Variants in COL23A1 observed in about 807,000 individuals in gnomAD.
COL23A1 encodes the protein collagen type XXIII alpha 1 chain, also known as collagen alpha-1(XXIII) chain.
Under a neutral mutation model 99.3 loss-of-function variants are expected in COL23A1, and 97 were observed. That is an observed-to-expected ratio of 0.98 (90% CI 0.83 to 1.16). The LOEUF is 1.16. Among genes scored for constraint, COL23A1 ranks in the 50% most tolerant of loss-of-function variants. The pLI, the probability that COL23A1 is intolerant of heterozygous loss-of-function variation, is 0.00. For missense variants in COL23A1, 762 were observed against 757.4 expected (o/e 1.01, Z -0.07); for synonymous variants, 320 against 308.2 (o/e 1.04, Z -0.40).
intron 8 of COL23A1, 104 bp downstream of exon 8, chr5:178,267,203 G>A (rs1755950029): frequency 7.8e-7 from 1 of 1,285,392 alleles, no homozygotes; most frequent in Admixed American, 1.8e-5. Context: ...CTCTTTCTGT[G>A]ATGAGCTGCG....
At chr5:178,456,386 TGA>T (rs1767795109) in intron 2 of COL23A1, among the ~76,000 whole-genome samples, 1 of 152,004 alleles carries the variant, frequency 6.6e-6, no homozygotes, top group Non-Finnish European at 1.5e-5. Context: ...GACTGGACAA[TGA>T]GAGAAACAGT....
At chr5:178,495,803 T>C (rs1261674902) in intron 2 of COL23A1, among the ~76,000 whole-genome samples, 1 of 152,056 alleles carries the variant, frequency 6.6e-6, no homozygotes, top group Non-Finnish European at 1.5e-5. Flanking sequence ...GCATTGACAA[T>C]GGTTAACATC....
intron 2 of COL23A1, among the ~76,000 whole-genome samples, chr5:178,486,887 G>A (rs978915142): frequency 6.6e-6 from 1 of 152,192 alleles, no homozygotes; most frequent in African/African-American, 2.4e-5. Flanking sequence ...GTGGGGAAAC[G>A]AAGGAAACTG....
At chr5:178,440,432 C>T (rs1406872020) in intron 2 of COL23A1, among the ~76,000 whole-genome samples, 1 of 152,158 alleles carries the variant, frequency 6.6e-6, no homozygotes, top group African/African-American at 2.4e-5. Flanking sequence ...TCTGCACCAC[C>T]GCTAGGATAA....
rs891709481 is a variant in COL23A1 at position 178,308,118 on chromosome 5, T to C, written c.362-1199A>G. On this transcript the variant is annotated intron_variant, in intron 2 of 28. Transcript: ENST00000390654. This position sits in a 1 kb window ranked among gnomAD's most constrained non-coding sequence, Gnocchi z 5.1. ...GTGTTTCTGTGTGTGTGTCTGTGTATGTATGTTTGTGTCTGTGTGTCCTGT... is the reference window on the plus strand; with the variant it reads ...GTGTTTCTGTGTGTGTGTCTGTGTACGTATGTTTGTGTCTGTGTGTCCTGT... 3.3e-5 allele frequency among the ~76,000 whole-genome samples: 5 copies of C among 152,052 alleles called. No homozygotes were observed. The highest frequency in any genetic ancestry group is 5.9e-5 in the Non-Finnish European group (4 of 68,008).
chr5:178,389,848 T>C (rs1763870780), intron 2 of COL23A1, among the ~76,000 whole-genome samples: 1 of 152,050 alleles, frequency 6.6e-6, no homozygotes, highest in Non-Finnish European at 1.5e-5. Flanking sequence ...ATGCAGGCAG[T>C]GTGTGGAGAA....
chr5:178,352,706 C>G (rs1761398010), intron 2 of COL23A1, among the ~76,000 whole-genome samples: 1 of 152,240 alleles, frequency 6.6e-6, no homozygotes, highest in Admixed American at 6.5e-5. Context: ...GATGCATTCT[C>G]TTTCTAAGCA....
intron 2 of COL23A1, among the ~76,000 whole-genome samples, chr5:178,337,457 A>G (rs1274290735): frequency 2.0e-5 from 3 of 152,214 alleles, no homozygotes; most frequent in African/African-American, 7.2e-5. Flanking sequence ...GAGTGAGTTC[A>G]AACACATGAG....
chr5:178,362,124 G>C (rs72820974), intron 2 of COL23A1, among the ~76,000 whole-genome samples: 15,795 of 152,290 alleles, frequency 0.1, 865 homozygotes, highest in South Asian at 0.16. Flanking sequence ...TGCAGGTGTG[G>C]CAGGGCATTG....
chr5:178,506,530 G>T (rs1431501496), intron 2 of COL23A1, among the ~76,000 whole-genome samples: 1 of 152,206 alleles, frequency 6.6e-6, no homozygotes, highest in Non-Finnish European at 1.5e-5. Flanking sequence ...GGAACTCCGT[G>T]GGAGGTGGGA....
At chr5:178,461,515 A>G (rs1398032425) in intron 2 of COL23A1, among the ~76,000 whole-genome samples, 2 of 152,234 alleles carry the variant, frequency 1.3e-5, no homozygotes, top group Non-Finnish European at 2.9e-5. Context: ...GCCCTCTGAA[A>G]GTACAAACCA....
chr5:178,303,868 G>A (rs1163440347), intron 3 of COL23A1, among the ~76,000 whole-genome samples: 3 of 152,220 alleles, frequency 2.0e-5, no homozygotes, highest in East Asian at 3.8e-4. Context: ...TGTGGGAAGC[G>A]CTGAGATGGA....
chr5:178,240,369 C>T (rs761148080), intron 27 of COL23A1, among the ~76,000 whole-genome samples: 16 of 152,166 alleles, frequency 1.1e-4, no homozygotes, highest in African/African-American at 3.9e-4. Context: ...GAAGCAGAAG[C>T]GAGGAAGGCC....
At chr5:178,349,425 C>T (rs1761177312) in intron 2 of COL23A1, among the ~76,000 whole-genome samples, 1 of 152,184 alleles carries the variant, frequency 6.6e-6, no homozygotes, top group Admixed American at 6.5e-5. Flanking sequence ...TCCTTTCTCA[C>T]TTTATTAAAG....
rs1762443329 is a variant in COL23A1, at chr5:178,365,827, C to T, written c.362-58908G>A. On this transcript the variant is annotated intron_variant, in intron 2 of 28. Transcript: ENST00000390654. This position sits in a 1 kb window ranked among gnomAD's most constrained non-coding sequence, Gnocchi z 5.2. Reference sequence around the variant, plus strand: ...CACTCCCCCTACCCTCAGCGCTGGGCACTGGCTTGTGATGGTCTCCTGGCC... The same window carrying T: ...CACTCCCCCTACCCTCAGCGCTGGGTACTGGCTTGTGATGGTCTCCTGGCC... 6.6e-6 allele frequency among the ~76,000 whole-genome samples: 1 copy of T among 152,184 alleles called. No individual in the cohort carries two copies. The highest frequency in any genetic ancestry group is 2.4e-5 in the African/African-American group (1 of 41,440).
chr5:178,563,522 C>G (rs1238350334), intron 1 of COL23A1, among the ~76,000 whole-genome samples: 1 of 130,878 alleles, frequency 7.6e-6, no homozygotes, highest in Non-Finnish European at 1.6e-5. Context: ...GACCTCAGAA[C>G]TCACTTTTTT....
intron 1 of COL23A1, among the ~76,000 whole-genome samples, chr5:178,588,519 C>T (rs887239875): frequency 6.6e-6 from 1 of 152,216 alleles, no homozygotes; most frequent in Non-Finnish European, 1.5e-5. Context: ...CAGGCATTTG[C>T]CAAAAGCTAA....
intron 2 of COL23A1, among the ~76,000 whole-genome samples, chr5:178,463,411 G>T (rs1756234433): frequency 6.6e-6 from 1 of 152,220 alleles, no homozygotes; most frequent in Admixed American, 6.5e-5. Context: ...GAGGTGGAGT[G>T]AAACTGTTAC....
At chr5:178,583,822 C>T (rs1562112497) in intron 1 of COL23A1, among the ~76,000 whole-genome samples, 1 of 152,178 alleles carries the variant, frequency 6.6e-6, no homozygotes, top group African/African-American at 2.4e-5. Context: ...CTAGCCTGGA[C>T]TTCTCCGTTA....
Sources: gnomAD v4.1 joint callset for allele counts (sites outside exome capture counted in the v4.1 genomes callset) on GRCh38, gnomAD v4.1.1 for gene constraint, Gnocchi (gnomAD v3.1) non-coding constraint, MANE v1.5 for transcripts, NCBI Gene and HGNC (gene_info 2026-07-23, HGNC 2026-07-21) for gene names.